BAZ2B: variants seen among roughly 807,000 people sequenced by gnomAD.
The protein encoded by BAZ2B is bromodomain adjacent to zinc finger domain 2B.
Under a neutral mutation model 246.0 loss-of-function variants are expected in BAZ2B, and 91 were observed. The observed-to-expected ratio is 0.37, with a 90% CI of 0.31 to 0.44. BAZ2B has a LOEUF of 0.44. BAZ2B is among the 20% of genes least tolerant of loss of function. The pLI, the probability that BAZ2B is intolerant of heterozygous loss-of-function variation, is 1.00. For missense variants in BAZ2B, 2,332 were observed against 2,533.7 expected, an observed-to-expected ratio of 0.92 and a Z score of 1.71; for synonymous variants, 855 against 860.0, an observed-to-expected ratio of 0.99 and a Z score of 0.10.
chr2:159,335,463 G>A (rs530650992), intron 33 of BAZ2B, among the ~76,000 whole-genome samples: 396 of 150,762 alleles, frequency 2.6e-3, no homozygotes, highest in Non-Finnish European at 4.1e-3. Context: ...CAGGAGAACT[G>A]CTTGAACCCA....
intron 1 of BAZ2B, among the ~76,000 whole-genome samples, chr2:159,608,135 G>T (rs2151801557): frequency 6.6e-6 from 1 of 152,330 alleles, no homozygotes; most frequent in Non-Finnish European, 1.5e-5. Flanking sequence ...AGCACTTTGA[G>T]AGGCCAAGGT....
chr2:159,415,408 G>A, intron 13 of BAZ2B, among the ~76,000 whole-genome samples: 1 of 134,802 alleles, frequency 7.4e-6, no homozygotes, highest in East Asian at 2.2e-4. Flanking sequence ...TTGCGCCACT[G>A]CACTCCAGCC....
At chr2:159,650,147 T>C in the BAZ2B span, among the ~76,000 whole-genome samples, 2 of 152,236 alleles carry the variant, frequency 1.3e-5, no homozygotes, top group South Asian at 4.1e-4. Flanking sequence ...ACATACAGAA[T>C]ACACTTATAA....
chr2:159,339,856 G>C (rs1476523788), intron 31 of BAZ2B, among the ~76,000 whole-genome samples: 1 of 152,062 alleles, frequency 6.6e-6, no homozygotes, highest in Non-Finnish European at 1.5e-5. Context: ...TCATATGTGA[G>C]AACTAAAAAA....
the BAZ2B span, chr2:159,712,350 C>T: frequency 6.6e-6 from 1 of 152,244 alleles, no homozygotes; most frequent in South Asian, 2.1e-4. Context: ...GGCAGCTCTT[C>T]AACGGTTCCC....
chr2:159,576,274 A>C (rs1559815806), intron 1 of BAZ2B, among the ~76,000 whole-genome samples: 3 of 152,306 alleles, frequency 2.0e-5, no homozygotes, highest in Middle Eastern at 6.8e-3. Flanking sequence ...GGATTACACA[A>C]ATAAATATAT....
At chr2:159,622,322 G>C in the BAZ2B span, among the ~76,000 whole-genome samples, 1 of 147,660 alleles carries the variant, frequency 6.8e-6, no homozygotes, top group African/African-American at 2.5e-5. Context: ...CTGGGTATTC[G>C]TAAGAAAAAG....
chr2:159,675,003 T>C, the BAZ2B span, among the ~76,000 whole-genome samples: 1 of 152,132 alleles, frequency 6.6e-6, no homozygotes, highest in African/African-American at 2.4e-5. Context: ...TGAGTAAATA[T>C]ATAAAACGCT....
the BAZ2B span, among the ~76,000 whole-genome samples, chr2:159,628,232 T>G: frequency 6.6e-6 from 1 of 152,150 alleles, no homozygotes; most frequent in Admixed American, 6.5e-5. Flanking sequence ...ATTGTGAAAA[T>G]GGCCATACTG....
chr2:159,428,147 G>T (rs2070336160), intron 12 of BAZ2B, 105 bp from the exon 13 acceptor site: 2 of 1,178,180 alleles, frequency 1.7e-6, no homozygotes, highest in African/African-American at 3.1e-5. Context: ...TCTATCAAGG[G>T]GCTCTAAATT....
At chr2:159,482,288 G>A (rs1429203868) in intron 2 of BAZ2B, among the ~76,000 whole-genome samples, 1 of 152,040 alleles carries the variant, frequency 6.6e-6, no homozygotes, top group Non-Finnish European at 1.5e-5. Context: ...CATTATCTGG[G>A]TTCAAACACT....
At chr2:159,688,287 C>A in the BAZ2B span, among the ~76,000 whole-genome samples, 1 of 152,116 alleles carries the variant, frequency 6.6e-6, no homozygotes, top group South Asian at 2.1e-4. Context: ...AGCAGCTTCC[C>A]AAAATGCTGG....
At chr2:159,471,382 G>A (rs1191224755) in intron 3 of BAZ2B, among the ~76,000 whole-genome samples, 4 of 152,086 alleles carry the variant, frequency 2.6e-5, no homozygotes, top group Non-Finnish European at 4.4e-5. Context: ...CAAGAGGATC[G>A]CTTTAGCCCA....
At chr2:159,503,351 T>C (rs146674577) in intron 2 of BAZ2B, among the ~76,000 whole-genome samples, 5 of 152,270 alleles carry the variant, frequency 3.3e-5, no homozygotes, top group Admixed American at 6.5e-5. Context: ...CCATGCTATG[T>C]TTTTAGTGCA....
At chr2:159,469,135 A>T (rs1481929616) in intron 3 of BAZ2B, among the ~76,000 whole-genome samples, 1 of 151,740 alleles carries the variant, frequency 6.6e-6, no homozygotes. Flanking sequence ...GAAAAAAAAC[A>T]GAAAATTGAG....
intron 33 of BAZ2B, 112 bp from the exon 34 acceptor site, chr2:159,332,798 G>T (rs2065002414): frequency 8.0e-7 from 1 of 1,245,030 alleles, no homozygotes; most frequent in Non-Finnish European, 1.1e-6. Context: ...CATTCCGCTT[G>T]CTTACAAATA....
intron 29 of BAZ2B, 44 bp downstream of exon 29, chr2:159,348,963 A>G (rs2058270889): frequency 1.3e-6 from 2 of 1,597,116 alleles, no homozygotes; most frequent in African/African-American, 2.7e-5. Context: ...AATCCATAAT[A>G]TTGAAATTGA....
chr2:159,582,506 C>T (rs956247209), intron 1 of BAZ2B, among the ~76,000 whole-genome samples: 2 of 152,146 alleles, frequency 1.3e-5, no homozygotes, highest in Admixed American at 6.6e-5. Flanking sequence ...AGCTCAGCCT[C>T]CGGAGTAGCT....
At chr2:159,556,697 A>G (rs995672029) in intron 1 of BAZ2B, among the ~76,000 whole-genome samples, 2 of 152,112 alleles carry the variant, frequency 1.3e-5, no homozygotes, top group African/African-American at 2.4e-5. Flanking sequence ...CCTGGCCTCA[A>G]GTGATCCACC....
Sources: allele counts gnomAD v4.1 joint callset (sites outside exome capture counted in the v4.1 genomes callset), GRCh38; gene constraint gnomAD v4.1.1; transcripts MANE v1.5; gene names NCBI Gene and HGNC (gene_info 2026-07-23, HGNC 2026-07-21).